BTBD8: variants seen among roughly 807,000 people sequenced by gnomAD.
The protein encoded by BTBD8 is BTB/POZ domain-containing protein 8.
Under a neutral mutation model 162.9 loss-of-function variants are expected in BTBD8, and 110 were observed. The ratio of observed to expected loss-of-function variants is 0.68; its 90% CI spans 0.58 to 0.79. The LOEUF (loss-of-function observed/expected upper bound fraction) is 0.79. Ranked by LOEUF, BTBD8 falls within the 30% of genes least tolerant of loss-of-function variation. The pLI is 0.00. For synonymous variants in BTBD8, 667 were observed against 716.1 expected, an observed-to-expected ratio of 0.93 and a Z score of 1.10; for missense variants, 1,905 against 2,085.4, an observed-to-expected ratio of 0.91 and a Z score of 1.68.
At chr1:92,142,590 AGAAGTAT>A (rs772076950) in intron 7 of BTBD8, among the ~76,000 whole-genome samples, 1 of 152,192 alleles carries the variant, frequency 6.6e-6, no homozygotes, top group Non-Finnish European at 1.5e-5. Flanking sequence ...TACAGAGAAA[AGAAGTAT>A]GAGGAGTCCA....
At chr1:92,126,048 A>C (rs1161891130) in intron 4 of BTBD8, 40 of 485,088 alleles carry the variant, frequency 8.2e-5, no homozygotes. Flanking sequence ...CACACTGAGA[A>C]TGTGGAAGAT....
chr1:92,182,598 A>G lies in BTBD8; in HGVS notation c.4912+3A>G, dbSNP rs1650949038. The G allele has an allele frequency of 6.9e-7, 1 of 1,449,616 alleles. No individual in the cohort carries two copies. The allele number at this position is 1,449,616 out of a possible 1,614,324, so 89.8% of individuals were successfully genotyped here. On this transcript the variant is annotated splice_donor_region_variant and intron_variant, in intron 17 of 17. Coordinates refer to ENST00000636805, the MANE Select transcript of BTBD8 (RefSeq NM_001376131.1). ...AGCTAATATTGCTTTATCTGCAGGTAATGTACAGAAATAGAAATGCTAAAT... is the reference window on the plus strand; with the variant it reads ...AGCTAATATTGCTTTATCTGCAGGTGATGTACAGAAATAGAAATGCTAAAT...
At chr1:92,142,330 A>G (rs576300468) in intron 7 of BTBD8, among the ~76,000 whole-genome samples, 77 of 152,342 alleles carry the variant, frequency 5.1e-4, no homozygotes, top group Non-Finnish European at 1.1e-3. Flanking sequence ...GATTAAAGCT[A>G]GAGAATATCT....
rs1473605389 is a variant in BTBD8 at position 92,181,404 on chromosome 1, G to A, written c.3721G>A (p.Val1241Ile). Residue 1241 changes from valine (V) to isoleucine (I), a missense_variant, in exon 17 of 18, where the codon GTT (valine) becomes ATT (isoleucine). By Grantham distance (29) the Val-to-Ile change is conservative. This residue lies in a region of BTBD8 where 1,374 missense variants were observed against 1,442.7 expected (regional missense o/e 0.95). Transcript: ENST00000636805. ...FVGHWNLSTG[V>I]LHQRESPESD... Reference sequence around the variant, plus strand: ...GGGTCACTGGAATTTGAGTACTGGTGTTCTGCATCAGCGAGAGAGTCCTGA... The same window carrying A: ...GGGTCACTGGAATTTGAGTACTGGTATTCTGCATCAGCGAGAGAGTCCTGA... 6.4e-7 allele frequency: 1 copy of A among 1,551,690 alleles called. No individual in the cohort carries two copies. Among genetic ancestry groups the A allele is most frequent in the South Asian group, 1.2e-5 (1 of 84,066 alleles).
intron 2 of BTBD8, among the ~76,000 whole-genome samples, chr1:92,090,904 C>G (rs185111937): frequency 6.6e-6 from 1 of 152,094 alleles, no homozygotes; most frequent in Non-Finnish European, 1.5e-5. Context: ...TGCACTCCAG[C>G]TTGGATGACG....
chr1:92,134,680 G>A (rs1398591279), intron 5 of BTBD8, among the ~76,000 whole-genome samples: 1 of 151,972 alleles, frequency 6.6e-6, no homozygotes, highest in Admixed American at 6.6e-5. Context: ...TATTGCCCAT[G>A]TCCTTCCACT....
At chr1:92,109,997 C>T (rs1412254905) in intron 4 of BTBD8, among the ~76,000 whole-genome samples, 1 of 152,180 alleles carries the variant, frequency 6.6e-6, no homozygotes, top group Non-Finnish European at 1.5e-5. Flanking sequence ...CCTTAGTTTG[C>T]TAGTTTAATG....
Position 92,137,684 on chromosome 1 carries a change from T to G in BTBD8, c.753-1666T>G, listed in dbSNP as rs1266864792. The stretch of plus-strand genomic sequence containing the variant: ...TAAAGCAGTACAGATTGAGTATCCC[T>G]TATCTGAAATGCTTGGGATCAGAGT... On this transcript the variant is annotated intron_variant, in intron 5 of 17. Transcript: ENST00000636805. Among the ~76,000 whole-genome samples, 6 of 152,346 alleles carry G rather than the reference T, an allele frequency of 3.9e-5. No homozygotes were observed. In the East Asian group the frequency reaches 1.2e-3, roughly 29 times the overall value.
At chr1:92,149,672 C>T (rs1375080095) in intron 9 of BTBD8, among the ~76,000 whole-genome samples, 2 of 152,142 alleles carry the variant, frequency 1.3e-5, no homozygotes, top group African/African-American at 4.8e-5. Context: ...ACTAGGAAGG[C>T]TGGAACACTA....
At chr1:92,107,506 C>G (rs377069190) in intron 3 of BTBD8, among the ~76,000 whole-genome samples, 59 of 152,232 alleles carry the variant, frequency 3.9e-4, no homozygotes, top group African/African-American at 1.4e-3. Flanking sequence ...GGTTTATAGC[C>G]TAGGAACAAT....
intron 16 of BTBD8, among the ~76,000 whole-genome samples, chr1:92,179,111 T>C (rs1322453907): frequency 6.6e-6 from 1 of 151,892 alleles, no homozygotes; most frequent in Non-Finnish European, 1.5e-5. Flanking sequence ...CCAGGTGTGG[T>C]GGTGTGTGCT....
At chr1:92,128,123 AT>A (rs1277026644) in intron 4 of BTBD8, among the ~76,000 whole-genome samples, 4 of 148,718 alleles carry the variant, frequency 2.7e-5, no homozygotes, top group East Asian at 2.0e-4. Context: ...GTTTATTTTT[AT>A]TTTTTTTTTG....
intron 2 of BTBD8, among the ~76,000 whole-genome samples, chr1:92,093,226 C>G (rs1486863186): frequency 7.9e-6 from 1 of 127,354 alleles, no homozygotes; most frequent in Non-Finnish European, 1.6e-5. Flanking sequence ...GAGTCTTGCT[C>G]TCATTGCCTA....
intron 17 of BTBD8, among the ~76,000 whole-genome samples, chr1:92,183,055 A>G (rs1650966707): frequency 6.6e-6 from 1 of 152,148 alleles, no homozygotes; most frequent in East Asian, 1.9e-4. Flanking sequence ...GATTATTACA[A>G]TTTATATACA....
intron 7 of BTBD8, among the ~76,000 whole-genome samples, chr1:92,146,480 T>C (rs1388290567): frequency 2.0e-5 from 3 of 152,232 alleles, no homozygotes; most frequent in African/African-American, 7.2e-5. Flanking sequence ...ATTCATGGTT[T>C]ACAATAGAGT....
intron 4 of BTBD8, among the ~76,000 whole-genome samples, chr1:92,110,390 A>G (rs1648855955): frequency 6.6e-6 from 1 of 152,210 alleles, no homozygotes; most frequent in Admixed American, 6.5e-5. Context: ...AACAGTCTCC[A>G]TCTCATAATG....
chr1:92,139,686 G>A (rs1314641661), intron 6 of BTBD8: 4 of 576,150 alleles, frequency 6.9e-6, no homozygotes, highest in Non-Finnish European at 9.3e-6. Context: ...TATAAATTAT[G>A]GTTTATAGAT....
At chr1:92,150,259 C>T (rs79410514) in intron 9 of BTBD8, among the ~76,000 whole-genome samples, 160 of 152,162 alleles carry the variant, frequency 1.1e-3, no homozygotes, top group African/African-American at 3.6e-3. Context: ...AGTAGAGACC[C>T]AAGACACTTC....
In BTBD8 at chr1:92,181,240, A is replaced by G. The variant is rs376760219; in HGVS notation, c.3557A>G (p.Asp1186Gly). Reference sequence around the variant, plus strand: ...AAGTTGTCAGATGAATCTGCTATGGATGAAGACAAACATGCTACAGCAGAC... The same window carrying G: ...AAGTTGTCAGATGAATCTGCTATGGGTGAAGACAAACATGCTACAGCAGAC... ...PSKLSDESAMDEDKHATADSD... is the reference protein window; with the variant it reads ...PSKLSDESAMGEDKHATADSD... The change falls in exon 17 of 18, where the codon GAT becomes GGT. Residue 1186 changes from aspartate (D) to glycine (G), a missense_variant. Asp to Gly is a moderately conservative substitution (Grantham distance 94). Around this residue, in one of 3 missense-constraint regions of BTBD8, gnomAD observed 1,374 missense variants for 1,442.7 expected, o/e 0.95. Transcript: ENST00000636805. The G allele has an allele frequency of 4.6e-5, 72 of 1,551,644 alleles. No homozygotes were observed. The South Asian group carries it at 8.4e-4, about 18-fold the overall frequency.
Sources: gnomAD v4.1 joint callset for allele counts (sites outside exome capture counted in the v4.1 genomes callset) on GRCh38, gnomAD v4.1.1 for gene constraint, gnomAD v4.1.1 regional missense constraint, MANE v1.5 for transcripts, NCBI Gene and HGNC (gene_info 2026-07-23, HGNC 2026-07-21) for gene names.